ASAP2: variants seen among roughly 807,000 people sequenced by gnomAD.
ASAP2 encodes ArfGAP with SH3 domain, ankyrin repeat and PH domain 2, also known as arf-GAP with SH3 domain, ANK repeat and PH domain-containing protein 2.
ASAP2 carries 45 observed loss-of-function variants against 131.4 expected under a neutral mutation model. The ratio of observed to expected loss-of-function variants is 0.34; its 90% CI spans 0.27 to 0.44. The LOEUF (loss-of-function observed/expected upper bound fraction) is 0.44. Ranked by LOEUF, ASAP2 falls within the 20% of genes least tolerant of loss-of-function variation. The pLI is 1.00. For missense variants in ASAP2, 1,011 were observed against 1,297.0 expected (o/e 0.78, Z 3.39); for synonymous variants, 510 against 503.0 (o/e 1.01, Z -0.19).
intron 12 of ASAP2, among the ~76,000 whole-genome samples, chr2:9,351,453 C>T (rs924696910): frequency 6.6e-6 from 1 of 152,106 alleles, no homozygotes; most frequent in African/African-American, 2.4e-5. Context: ...TTACTCAGCA[C>T]CCCCTAAATT....
chr2:9,255,467 G>C (rs1360357569), intron 1 of ASAP2, among the ~76,000 whole-genome samples: 1 of 152,200 alleles, frequency 6.6e-6, no homozygotes, highest in Non-Finnish European at 1.5e-5. Context: ...TTCTCCTATG[G>C]AATTTTAAAA....
At chr2:9,279,061 CAGG>C (rs142596288) in intron 1 of ASAP2, among the ~76,000 whole-genome samples, 15,923 of 152,184 alleles carry the variant, frequency 0.1, 871 homozygotes, top group African/African-American at 0.13. Flanking sequence ...TTGCATGCTG[CAGG>C]AGGAGGAGTT....
At chr2:9,401,613 G>A (rs1676680216) in intron 27 of ASAP2, among the ~76,000 whole-genome samples, 2 of 151,534 alleles carry the variant, frequency 1.3e-5, no homozygotes, top group African/African-American at 2.4e-5. Context: ...TTCCTCCCCT[G>A]TTAGGGTGCA....
intron 1 of ASAP2, among the ~76,000 whole-genome samples, chr2:9,229,336 A>T (rs1662993709): frequency 1.3e-5 from 2 of 152,198 alleles, no homozygotes; most frequent in Non-Finnish European, 2.9e-5. Flanking sequence ...CGCCACAGTG[A>T]GCCTCAGCCC....
chr2:9,244,752 G>C (rs1386654243), intron 1 of ASAP2, among the ~76,000 whole-genome samples: 1 of 152,212 alleles, frequency 6.6e-6, no homozygotes, highest in South Asian at 2.1e-4. Context: ...AGAAGTGTTT[G>C]TAGGAAGAAC....
intron 12 of ASAP2, among the ~76,000 whole-genome samples, chr2:9,355,316 CCTT>C (rs1310836932): frequency 1.3e-5 from 2 of 152,154 alleles, no homozygotes; most frequent in Non-Finnish European, 2.9e-5. Context: ...TTTCATGATG[CCTT>C]CTTAAAGAGT....
chr2:9,231,058 G>T (rs988124404), intron 1 of ASAP2, among the ~76,000 whole-genome samples: 6 of 152,118 alleles, frequency 3.9e-5, no homozygotes, highest in Non-Finnish European at 8.8e-5. Flanking sequence ...GTTCTATGTC[G>T]GTCACTTTCC....
At chr2:9,212,101 C>T (rs1661601903) in intron 1 of ASAP2, among the ~76,000 whole-genome samples, 1 of 152,080 alleles carries the variant, frequency 6.6e-6, no homozygotes, top group Non-Finnish European at 1.5e-5. Context: ...AGTACTGATG[C>T]CACTCCTCAC....
At chr2:9,289,155 G>A (rs532138400) in intron 2 of ASAP2, among the ~76,000 whole-genome samples, 1 of 152,308 alleles carries the variant, frequency 6.6e-6, no homozygotes, top group East Asian at 1.9e-4. Flanking sequence ...TCTCTTAGAA[G>A]CCTTTTGGCT....
At chr2:9,282,935 C>A (rs1667225253) in intron 2 of ASAP2, among the ~76,000 whole-genome samples, 2 of 152,194 alleles carry the variant, frequency 1.3e-5, no homozygotes, top group Non-Finnish European at 2.9e-5. Context: ...CTTTGCACAG[C>A]CCCACCCAGT....
chr2:9,278,793 C>T (rs529013768), intron 1 of ASAP2, among the ~76,000 whole-genome samples: 2 of 152,280 alleles, frequency 1.3e-5, no homozygotes, highest in Admixed American at 1.3e-4. Context: ...AAATCTGAGG[C>T]TCGGGAAGCA....
In ASAP2 at chr2:9,368,428, G is replaced by A. The variant is rs150779008; in HGVS notation, c.1465G>A (p.Ala489Thr). ...AAATAGACTTTCATTTTTGCAGCTCGCCAAGAATATTGGGAATGCAGGCTT... is the reference window on the plus strand; with the variant it reads ...AAATAGACTTTCATTTTTGCAGCTCACCAAGAATATTGGGAATGCAGGCTT... ...DVLGTSELLL[A>T]KNIGNAGFNE... Residue 489 changes from alanine to threonine, a missense_variant, in exon 16 of 28, where the codon GCC becomes ACC. Physicochemically the swap from Ala to Thr is moderately conservative, Grantham distance 58 (BLOSUM62 0). Coordinates refer to ENST00000281419, the MANE Select transcript of ASAP2 (RefSeq NM_003887.3). 2.8e-5 allele frequency: 45 copies of A among 1,613,720 alleles called. No individual in the cohort carries two copies. Among genetic ancestry groups the A allele is most frequent in the Non-Finnish European group, 3.0e-5 (35 of 1,179,854 alleles).
At chr2:9,297,062 C>T (rs1668193559) in intron 2 of ASAP2, among the ~76,000 whole-genome samples, 1 of 152,116 alleles carries the variant, frequency 6.6e-6, no homozygotes, top group Admixed American at 6.5e-5. Flanking sequence ...TGCTGAGGAC[C>T]ACTGGACGTG....
intron 24 of ASAP2, chr2:9,399,659 T>G: frequency 3.6e-6 from 1 of 278,516 alleles, no homozygotes; most frequent in Non-Finnish European, 6.8e-6. Flanking sequence ...GGGCCTGAGG[T>G]TAAGGTTCAG....
intron 24 of ASAP2, 37 bp from the exon 25 acceptor site, chr2:9,399,986 C>T (rs778266117): frequency 1.2e-5 from 20 of 1,606,856 alleles, no homozygotes; most frequent in African/African-American, 8.0e-5. Flanking sequence ...AGGTGCCCTC[C>T]GGTAGCAGTA....
chr2:9,405,190 C>T lies in ASAP2; in HGVS notation c.*1863C>T, dbSNP rs1266910252. 6.6e-6 allele frequency: 1 copy of T among 152,216 alleles called. No homozygotes were observed. Among genetic ancestry groups the T allele is most frequent in the Admixed American group, 6.5e-5 (1 of 15,284 alleles). 9.4% of individuals were successfully genotyped at this position (152,216 alleles called of 1,614,324 possible). Reference sequence around the variant, plus strand: ...CAGTCTACAATTTGGTGCTATTGTGCAGTAACTAATAGTACTCTTACCAGA... The same window carrying T: ...CAGTCTACAATTTGGTGCTATTGTGTAGTAACTAATAGTACTCTTACCAGA... On this transcript the variant is annotated 3_prime_UTR_variant, in exon 28 of 28. Transcript: ENST00000281419.
In ASAP2 at chr2:9,380,707, C is replaced by G. The variant is rs754506079; in HGVS notation, c.1949-34C>G. 6.8e-6 allele frequency: 11 copies of G among 1,611,748 alleles called. No individual in the cohort carries two copies. The African/African-American group carries it at 1.3e-4, about 20-fold the overall frequency. Reference sequence around the variant, plus strand: ...ATGTCAGGCCTTTGCTGGGTTTTGCCTTAACGCCTCCTTTGCTCGCCCTTG... The same window carrying G: ...ATGTCAGGCCTTTGCTGGGTTTTGCGTTAACGCCTCCTTTGCTCGCCCTTG... On this transcript the variant is annotated intron_variant, in intron 19 of 27. Transcript: ENST00000281419.
chr2:9,297,261 A>G (rs761004524), intron 2 of ASAP2, 39 bp from the exon 3 acceptor site: 1 of 1,604,944 alleles, frequency 6.2e-7, no homozygotes, highest in South Asian at 1.1e-5. Context: ...TGAGGGTGGC[A>G]TGCCTGAGAC....
intron 18 of ASAP2, among the ~76,000 whole-genome samples, chr2:9,377,198 A>G (rs1255804873): frequency 6.6e-6 from 1 of 152,182 alleles, no homozygotes. Flanking sequence ...TTTTGTGGTA[A>G]TTGCAGGGTC....
Sources: gnomAD v4.1 joint callset for allele counts (sites outside exome capture counted in the v4.1 genomes callset) on GRCh38, gnomAD v4.1.1 for gene constraint, MANE v1.5 for transcripts, NCBI Gene and HGNC (gene_info 2026-07-23, HGNC 2026-07-21) for gene names.